The following UTRN variants were observed in gnomAD, a reference collection of about 807,000 sequenced individuals.
UTRN encodes dystrophin-related protein 1.
Under a neutral mutation model 463.9 loss-of-function variants are expected in UTRN, and 283 were observed. The observed-to-expected ratio is 0.61, with a 90% CI of 0.55 to 0.67. The LOEUF (loss-of-function observed/expected upper bound fraction) is 0.67, where lower values mean the gene tolerates loss of function less well. Among genes scored for constraint, UTRN ranks in the 30% least tolerant of loss-of-function variants. The pLI is 0.00. For synonymous variants in UTRN, 1,442 were observed against 1,431.5 expected (o/e 1.01, Z -0.17); for missense variants, 3,922 against 4,084.3 (o/e 0.96, Z 1.08).
At chr6:144,575,692 G>GA (rs993677006) in intron 50 of UTRN, among the ~76,000 whole-genome samples, 2 of 152,042 alleles carry the variant, frequency 1.3e-5, no homozygotes, top group South Asian at 2.1e-4. Context: ...TGATGCATGG[G>GA]AAAAAACATG....
At chr6:144,359,530 C>A (rs370320665) in intron 2 of UTRN, among the ~76,000 whole-genome samples, 1 of 152,130 alleles carries the variant, frequency 6.6e-6, no homozygotes, top group Non-Finnish European at 1.5e-5. Context: ...GACTGTAACA[C>A]GTTTAACGTC....
At chr6:144,413,825 A>G (rs1784127144) in intron 3 of UTRN, among the ~76,000 whole-genome samples, 1 of 152,116 alleles carries the variant, frequency 6.6e-6, no homozygotes, top group Non-Finnish European at 1.5e-5. Context: ...TTATTTTGAT[A>G]TGGAGTCTTG....
intron 52 of UTRN, among the ~76,000 whole-genome samples, chr6:144,681,241 C>G (rs113525363): frequency 6.6e-6 from 1 of 152,066 alleles, no homozygotes; most frequent in East Asian, 1.9e-4. Context: ...AATAGACAGA[C>G]GGGAGGCGGT....
rs1562258055 is a variant in UTRN at position 144,331,990 on chromosome 6, A to G, written c.79+40083A>G. ...GTCCATCATTGCCCCATCCAGCCAC[A>G]CTGGTCAGCTTTCAGCTCTGGGAAC... is the stretch of plus-strand genomic sequence containing the variant. On this transcript the variant is annotated intron_variant, in intron 2 of 74. Coordinates refer to ENST00000367545, the MANE Select transcript of UTRN (RefSeq NM_007124.3). Among the ~76,000 whole-genome samples, 3 of 152,310 alleles carry G rather than the reference A, an allele frequency of 2.0e-5. No homozygotes were observed. In the South Asian group the frequency reaches 6.2e-4, roughly 32 times the overall value.
intron 66 of UTRN, among the ~76,000 whole-genome samples, chr6:144,824,610 A>AT (rs1779972421): frequency 2.3e-5 from 1 of 43,614 alleles, no homozygotes; most frequent in Non-Finnish European, 3.7e-5. Flanking sequence ...ATATATATAT[A>AT]TATCTTTTTT....
intron 62 of UTRN, among the ~76,000 whole-genome samples, chr6:144,793,605 G>T (rs1325287109): frequency 3.9e-5 from 6 of 152,088 alleles, no homozygotes; most frequent in African/African-American, 1.2e-4. Context: ...ACCCATTCTT[G>T]CAGGAACGGG....
Position 144,286,769 on chromosome 6 carries a change from G to A in UTRN, c.-93+948G>A, listed in dbSNP as rs1259066051. 1.3e-5 allele frequency among the ~76,000 whole-genome samples: 2 copies of A among 151,998 alleles called. No homozygotes were observed. The highest frequency in any genetic ancestry group is 4.8e-5 in the African/African-American group (2 of 41,374). ...GAGGAGGAGGGAGAAAACGTTGCCCGACCTCCGAGAGAGCTGTGGGACCAG... is the reference window on the plus strand; with the variant it reads ...GAGGAGGAGGGAGAAAACGTTGCCCAACCTCCGAGAGAGCTGTGGGACCAG... On this transcript the variant is annotated intron_variant, in intron 1 of 74. Transcript: ENST00000367545. This position sits in a 1 kb window ranked among gnomAD's most constrained non-coding sequence, Gnocchi z 4.4.
intron 51 of UTRN, among the ~76,000 whole-genome samples, chr6:144,626,460 G>A (rs899503481): frequency 2.6e-5 from 4 of 152,160 alleles, no homozygotes; most frequent in African/African-American, 4.8e-5. Flanking sequence ...TTTCCTCCCC[G>A]CCTTTCTGCA....
At chr6:144,500,899 C>G (rs1794111520) in intron 34 of UTRN, among the ~76,000 whole-genome samples, 1 of 152,146 alleles carries the variant, frequency 6.6e-6, no homozygotes, top group Admixed American at 6.5e-5. Flanking sequence ...AGCGAGTATA[C>G]TAGTGGGAAG....
chr6:144,655,122 G>T (rs187759589), intron 51 of UTRN, among the ~76,000 whole-genome samples: 1 of 152,200 alleles, frequency 6.6e-6, no homozygotes, highest in Non-Finnish European at 1.5e-5. Context: ...AATTCTTTGC[G>T]TACAAAGCAT....
chr6:144,431,084 T>C (rs1369741359), intron 9 of UTRN, among the ~76,000 whole-genome samples: 1 of 152,200 alleles, frequency 6.6e-6, no homozygotes, highest in Non-Finnish European at 1.5e-5. Context: ...TCTAAAAGTA[T>C]AGTTATTATT....
At chr6:144,459,899 A>T (rs893027735) in intron 21 of UTRN, among the ~76,000 whole-genome samples, 4 of 152,244 alleles carry the variant, frequency 2.6e-5, no homozygotes, top group Non-Finnish European at 4.4e-5. Context: ...AGCCTCCCAA[A>T]ATAACAGGTG....
intron 41 of UTRN, among the ~76,000 whole-genome samples, chr6:144,530,548 G>C (rs9390170): frequency 0.11 from 17,279 of 152,124 alleles, 1,750 homozygotes; most frequent in East Asian, 0.54. Context: ...CGGGAACTAA[G>C]TGTTCTGGTA....
intron 54 of UTRN, among the ~76,000 whole-genome samples, chr6:144,745,729 T>A (rs888921409): frequency 6.6e-6 from 1 of 152,206 alleles, no homozygotes. Flanking sequence ...ATTTAATGTC[T>A]GACAGAATGA....
intron 3 of UTRN, among the ~76,000 whole-genome samples, chr6:144,420,964 T>C (rs1221486605): frequency 6.6e-6 from 1 of 152,250 alleles, no homozygotes; most frequent in Non-Finnish European, 1.5e-5. Flanking sequence ...TTGTTCTTTC[T>C]TCCACTTTAC....
In UTRN at chr6:144,781,879, G is replaced by C. The variant is rs1206936219; in HGVS notation, c.8633-43G>C. 4 of 1,452,780 alleles carry C rather than the reference G, an allele frequency of 2.8e-6. No homozygotes were observed. In the African/African-American group the frequency reaches 5.6e-5, roughly 20 times the overall value. The allele number at this position is 1,452,780 out of a possible 1,614,324, so 90.0% of individuals were successfully genotyped here. A position where few individuals can be genotyped will look rare whatever the true frequency, so the allele number is the denominator to read the frequency against. ...TTGTGATGTTGTTATGTAATGTAATGTAATGTAATGACTGTAAACATTCCT... is the reference window on the plus strand; with the variant it reads ...TTGTGATGTTGTTATGTAATGTAATCTAATGTAATGACTGTAAACATTCCT... On this transcript the variant is annotated intron_variant, in intron 60 of 74. Coordinates refer to ENST00000367545, the MANE Select transcript of UTRN (RefSeq NM_007124.3).
At chr6:144,792,930 TA>T (rs2128743710) in intron 62 of UTRN, among the ~76,000 whole-genome samples, 1 of 152,246 alleles carries the variant, frequency 6.6e-6, no homozygotes, top group African/African-American at 2.4e-5. Context: ...TTAAGAAAAT[TA>T]TAAAACAAAT....
Position 144,851,270 on chromosome 6 carries a change from A to G in UTRN, c.*273A>G. The G allele has an allele frequency of 2.0e-6, 1 of 504,146 alleles. No individual in the cohort carries two copies. The highest frequency in any genetic ancestry group is 3.6e-6 in the Non-Finnish European group (1 of 281,174). 31.2% of individuals were successfully genotyped at this position (504,146 alleles called of 1,614,324 possible). Reference sequence around the variant, plus strand: ...GAGAGGTATTTGGAAATGGTAATACATTTGTCACGGATTTGTATAATGTAT... The same window carrying G: ...GAGAGGTATTTGGAAATGGTAATACGTTTGTCACGGATTTGTATAATGTAT... On this transcript the variant is annotated 3_prime_UTR_variant, in exon 75 of 75. Coordinates refer to ENST00000367545, the MANE Select transcript of UTRN (RefSeq NM_007124.3).
chr6:144,603,911 T>C (rs1447389521), intron 51 of UTRN, among the ~76,000 whole-genome samples: 1 of 152,190 alleles, frequency 6.6e-6, no homozygotes, highest in African/African-American at 2.4e-5. Context: ...GGTATATCAA[T>C]ACTCAGAGCC....
Sources: gnomAD v4.1 joint callset for allele counts (sites outside exome capture counted in the v4.1 genomes callset) on GRCh38, gnomAD v4.1.1 for gene constraint, Gnocchi (gnomAD v3.1) non-coding constraint, MANE v1.5 for transcripts, NCBI Gene and HGNC (gene_info 2026-07-23, HGNC 2026-07-21) for gene names.